The following PAQR7 variants were observed in gnomAD, a reference collection of about 807,000 sequenced individuals.
The protein encoded by PAQR7 is progestin and adipoQ receptor family member 7.
In PAQR7, 14 loss-of-function variants were observed where a neutral mutation model predicts 24.6. The ratio of observed to expected loss-of-function variants is 0.57; its 90% CI spans 0.38 to 0.89. The LOEUF (loss-of-function observed/expected upper bound fraction) is 0.89, where lower values mean the gene tolerates loss of function less well. PAQR7 is among the 40% of genes least tolerant of loss of function. PAQR7 has a pLI of 0.00. For synonymous variants in PAQR7, 189 were observed against 198.8 expected, an observed-to-expected ratio of 0.95 and a Z score of 0.42; for missense variants, 351 against 444.0, an observed-to-expected ratio of 0.79 and a Z score of 1.88.
intron 2 of PAQR7, among the ~76,000 whole-genome samples, chr1:25,864,095 T>G (rs1238913569): frequency 6.6e-6 from 1 of 152,178 alleles, no homozygotes; most frequent in Non-Finnish European, 1.5e-5. Flanking sequence ...TAGTAGGTGC[T>G]CAATAAATGT....
At position 25,863,697 on chromosome 1, in the gene PAQR7, T is replaced by A; in HGVS notation, c.143A>T (p.Tyr48Phe). The part of the protein sequence containing the change: ...VPPLFWKPYI[Y>F]AGYRPLHQTW... ...CTGATGCAGCGGCCGGTAGCCCGCATAGATGTACGGCTTCCAGAAGAGCGG... is the reference window on the plus strand; with the variant it reads ...CTGATGCAGCGGCCGGTAGCCCGCAAAGATGTACGGCTTCCAGAAGAGCGG... Residue 48 changes from tyrosine (Y) to phenylalanine (F), a missense_variant, in exon 3 of 3, where the codon TAT becomes TTT. Physicochemically the swap from Tyr to Phe is conservative, Grantham distance 22. Transcript: ENST00000675840. This position sits in a 1 kb window ranked among gnomAD's most constrained non-coding sequence, Gnocchi z 6.1. 1 of 1,614,120 alleles carries A rather than the reference T, an allele frequency of 6.2e-7. No homozygotes were observed. The highest frequency in any genetic ancestry group is 1.3e-5 in the African/African-American group (1 of 75,028).
chr1:25,871,941 C>A (rs903374733), intron 1 of PAQR7, among the ~76,000 whole-genome samples: 4 of 152,234 alleles, frequency 2.6e-5, no homozygotes, highest in African/African-American at 9.6e-5. Flanking sequence ...AGGTAGTGAG[C>A]CTGGAGAACT....
At chr1:25,874,129 T>C (rs969861122) in intron 1 of PAQR7, among the ~76,000 whole-genome samples, 34 of 151,562 alleles carry the variant, frequency 2.2e-4, no homozygotes, top group Non-Finnish European at 4.0e-4. Context: ...GTGATCCGCC[T>C]GCCTCGGCCT....
At chr1:25,866,260 T>C (rs1196023828) in intron 2 of PAQR7, among the ~76,000 whole-genome samples, 1 of 152,078 alleles carries the variant, frequency 6.6e-6, no homozygotes, top group Non-Finnish European at 1.5e-5. Context: ...CTAACCCCAA[T>C]GTCACACCCT....
At position 25,863,138 on chromosome 1, in the gene PAQR7, A is replaced by G. The variant is rs749185585; in HGVS notation, c.702T>C (p.Asp234=). 6.2e-7 allele frequency: 1 copy of G among 1,614,198 alleles called. No individual in the cohort carries two copies. Among genetic ancestry groups the G allele is most frequent in the Admixed American group, 1.7e-5 (1 of 60,036 alleles). ...RIFVSSDPTT[D]DPALLYHKCQ... is the part of the protein sequence containing the mutation. ...ACTTGTGGTAGAGAAGAGCTGGATCATCCGTGGTGGGGTCGGAGGACACGA... is the reference window on the plus strand; with the variant it reads ...ACTTGTGGTAGAGAAGAGCTGGATCGTCCGTGGTGGGGTCGGAGGACACGA... The change falls in exon 3 of 3, where the codon GAT becomes GAC. Residue 234 remains aspartate, a synonymous_variant. Transcript: ENST00000675840. This position sits in a 1 kb window ranked among gnomAD's most constrained non-coding sequence, Gnocchi z 6.1.
At chr1:25,869,297 C>T (rs1446640556) in intron 2 of PAQR7, among the ~76,000 whole-genome samples, 5 of 152,176 alleles carry the variant, frequency 3.3e-5, no homozygotes, top group African/African-American at 4.8e-5. Flanking sequence ...CCCAGCTGGG[C>T]GCAGTGGCTC....
In PAQR7 at chr1:25,863,332, C is replaced by A; in HGVS notation, c.508G>T (p.Val170Leu). The A allele has an allele frequency of 6.2e-7, 1 of 1,614,218 alleles. No homozygotes were observed. The highest frequency in any genetic ancestry group is 8.5e-7 in the Non-Finnish European group (1 of 1,180,040). Residue 170 changes from valine (V) to leucine (L), a missense_variant, in exon 3 of 3, where the codon GTG becomes TTG. Coordinates refer to ENST00000675840, the MANE Select transcript of PAQR7 (RefSeq NM_178422.6). This position sits in a 1 kb window ranked among gnomAD's most constrained non-coding sequence, Gnocchi z 6.1. The stretch of plus-strand genomic sequence containing the variant: ...GCCATGGGCAGAAAAACAGCCTGCA[C>A]CTGGGCATGCCAGGCGGGCTCGATA... ...YAIEPAWHAQ[V>L]QAVFLPMAAF...
intron 1 of PAQR7, among the ~76,000 whole-genome samples, chr1:25,874,204 G>A (rs2048629055): frequency 7.1e-6 from 1 of 141,172 alleles, no homozygotes; most frequent in Admixed American, 7.1e-5. Context: ...TTTTTAAACA[G>A]GGTCTATGCT....
At chr1:25,866,825 TGGGTTCAAG>T (rs1169318023) in intron 2 of PAQR7, among the ~76,000 whole-genome samples, 1 of 152,054 alleles carries the variant, frequency 6.6e-6, no homozygotes, top group Non-Finnish European at 1.5e-5. Context: ...CTCCGCCTCC[TGGGTTCAAG>T]CAATTCTCCT....
intron 2 of PAQR7, among the ~76,000 whole-genome samples, chr1:25,867,833 C>T (rs1431932763): frequency 1.3e-5 from 2 of 152,218 alleles, no homozygotes; most frequent in Middle Eastern, 3.2e-3. Flanking sequence ...GCCCTGCTCC[C>T]CAGTCTTTCC....
In PAQR7 at chr1:25,862,970, C is replaced by T. The variant is rs756544052; in HGVS notation, c.870G>A (p.Leu290=). Residue 290 remains leucine (L), a synonymous_variant, in exon 3 of 3, where the codon CTG becomes CTA. Coordinates refer to ENST00000675840, the MANE Select transcript of PAQR7 (RefSeq NM_178422.6). ...CCTCATAGTCCAGTGCCACAGCCTC[C>T]AGCTGAGCCAGCGTGCACAGCACCA... ...IFLVLCTLAQ[L]EAVALDYEAR... The T allele has an allele frequency of 1.2e-6, 2 of 1,614,178 alleles. No homozygotes were observed. Among genetic ancestry groups the T allele is most frequent in the Admixed American group, 3.3e-5 (2 of 60,022 alleles).
intron 2 of PAQR7, among the ~76,000 whole-genome samples, chr1:25,870,368 GA>G (rs1255646856): frequency 6.6e-6 from 1 of 152,174 alleles, no homozygotes; most frequent in Non-Finnish European, 1.5e-5. Flanking sequence ...TTCCACAGAT[GA>G]GGGGCACTAG....
In PAQR7 at chr1:25,862,693, G is replaced by A; in HGVS notation, c.*106C>T. Reference sequence around the variant, plus strand: ...GTTGAGTCGTGCACAGAGAGTCACTGTGGGCCAGACACAAACAACTTTACC... The same window carrying A: ...GTTGAGTCGTGCACAGAGAGTCACTATGGGCCAGACACAAACAACTTTACC... On this transcript the variant is annotated 3_prime_UTR_variant, in exon 3 of 3. Coordinates refer to ENST00000675840, the MANE Select transcript of PAQR7 (RefSeq NM_178422.6). 1.6e-6 allele frequency: 2 copies of A among 1,213,526 alleles called. No homozygotes were observed. Among genetic ancestry groups the A allele is most frequent in the South Asian group, 2.9e-5 (2 of 68,150 alleles). 75.2% of individuals were successfully genotyped at this position (1,213,526 alleles called of 1,614,324 possible).
intron 1 of PAQR7, chr1:25,871,257 A>G (rs1224401169): frequency 6.6e-6 from 1 of 152,196 alleles, no homozygotes; most frequent in Non-Finnish European, 1.5e-5. Context: ...GAATTCACAG[A>G]GCCCTGTAAA....
chr1:25,863,018 G>A lies in PAQR7; in HGVS notation c.822C>T (p.Gly274=), dbSNP rs754763290. 6.2e-7 allele frequency: 1 copy of A among 1,614,054 alleles called. No homozygotes were observed. Among genetic ancestry groups the A allele is most frequent in the Non-Finnish European group, 8.5e-7 (1 of 1,180,060 alleles). The change falls in exon 3 of 3, where the codon GGC becomes GGT. Residue 274 remains glycine, a synonymous_variant. Transcript: ENST00000675840. The surrounding 1 kb of genome is among the most constrained non-coding windows in gnomAD (Gnocchi z 6.1). ...FPGSCHVFGQ[G]HQLFHIFLVL... is the part of the protein sequence containing the mutation. ...CCAAGAAGATGTGGAAAAGTTGGTG[G>A]CCCTGCCCGAAGACATGGCAGCTGC...
intron 1 of PAQR7, among the ~76,000 whole-genome samples, chr1:25,874,872 C>T (rs2048636206): frequency 6.6e-6 from 1 of 152,188 alleles, no homozygotes; most frequent in South Asian, 2.1e-4. Flanking sequence ...CCCAAGGTGT[C>T]TAGACTGCTT....
intron 1 of PAQR7, among the ~76,000 whole-genome samples, chr1:25,872,781 G>A (rs1045876803): frequency 2.0e-5 from 3 of 152,142 alleles, no homozygotes; most frequent in African/African-American, 7.2e-5. Context: ...AAAGTGTTGA[G>A]ATTATAGGAG....
intron 1 of PAQR7, among the ~76,000 whole-genome samples, chr1:25,874,391 C>T (rs767810080): frequency 4.6e-5 from 7 of 152,178 alleles, no homozygotes; most frequent in Non-Finnish European, 1.0e-4. Context: ...CTGAGACTTA[C>T]AGCTGCTCTG....
intron 2 of PAQR7, among the ~76,000 whole-genome samples, chr1:25,865,615 C>G (rs1016121667): frequency 3.3e-5 from 5 of 152,172 alleles, no homozygotes; most frequent in African/African-American, 1.2e-4. Flanking sequence ...CGAGACCATC[C>G]TGGCTAACAC....
Sources: gnomAD v4.1 joint callset for allele counts (sites outside exome capture counted in the v4.1 genomes callset) on GRCh38, gnomAD v4.1.1 for gene constraint, Gnocchi (gnomAD v3.1) non-coding constraint, MANE v1.5 for transcripts, NCBI Gene and HGNC (gene_info 2026-07-23, HGNC 2026-07-21) for gene names.